COL5A2: variants seen among roughly 807,000 people sequenced by gnomAD.
COL5A2 encodes the protein collagen type V alpha 2 chain, also known as collagen alpha-2(V) chain.
In COL5A2, 23 loss-of-function variants were observed where a neutral mutation model predicts 208.2. The observed-to-expected ratio is 0.11, with a 90% CI of 0.08 to 0.16. The LOEUF (loss-of-function observed/expected upper bound fraction) is 0.16. COL5A2 is among the 10% of genes least tolerant of loss of function. The pLI, the probability that COL5A2 is intolerant of heterozygous loss-of-function variation, is 1.00. For synonymous variants in COL5A2, 625 were observed against 628.5 expected, an observed-to-expected ratio of 0.99 and a Z score of 0.08; for missense variants, 1,590 against 1,956.4, an observed-to-expected ratio of 0.81 and a Z score of 3.53.
chr2:189,220,818 A>G (rs564324667), intron 1 of COL5A2, among the ~76,000 whole-genome samples: 63 of 152,308 alleles, frequency 4.1e-4, no homozygotes, highest in African/African-American at 1.5e-3. Context: ...CATGAGGCCC[A>G]TCACCCAGGC....
chr2:189,271,033 C>A, the COL5A2 span, among the ~76,000 whole-genome samples: 1 of 152,124 alleles, frequency 6.6e-6, no homozygotes, highest in East Asian at 1.9e-4. Flanking sequence ...AAAAACATTC[C>A]ATGCTCATGG....
the COL5A2 span, among the ~76,000 whole-genome samples, chr2:189,288,189 C>A: frequency 6.6e-6 from 1 of 152,134 alleles, no homozygotes; most frequent in Non-Finnish European, 1.5e-5. Flanking sequence ...TTTCCTAGAT[C>A]CTGATTTCAG....
intron 1 of COL5A2, among the ~76,000 whole-genome samples, chr2:189,153,498 G>T (rs1417765436): frequency 6.6e-6 from 1 of 152,082 alleles, no homozygotes; most frequent in Non-Finnish European, 1.5e-5. Flanking sequence ...TATCTAACAA[G>T]CATATTAGCC....
chr2:189,428,424 C>T, the COL5A2 span, among the ~76,000 whole-genome samples: 2 of 152,028 alleles, frequency 1.3e-5, no homozygotes, highest in African/African-American at 4.8e-5. Context: ...TTGAGACTAG[C>T]CTGGCTAACA....
At chr2:189,314,062 A>G in the COL5A2 span, among the ~76,000 whole-genome samples, 1 of 152,170 alleles carries the variant, frequency 6.6e-6, no homozygotes, top group Admixed American at 6.5e-5. Flanking sequence ...AAAGATATTC[A>G]GGACCTGAAC....
chr2:189,074,344 T>C (rs1686349545), intron 17 of COL5A2, among the ~76,000 whole-genome samples: 1 of 152,082 alleles, frequency 6.6e-6, no homozygotes. Context: ...CAAGCGTGAA[T>C]TAAAGGTTCA....
At chr2:189,429,938 A>C in the COL5A2 span, among the ~76,000 whole-genome samples, 2 of 152,222 alleles carry the variant, frequency 1.3e-5, no homozygotes, top group African/African-American at 4.8e-5. Context: ...CAGAGAGAAA[A>C]TTAAGTGAAG....
chr2:189,113,834 G>T (rs1334237087), intron 1 of COL5A2, among the ~76,000 whole-genome samples: 2 of 151,744 alleles, frequency 1.3e-5, no homozygotes, highest in East Asian at 1.9e-4. Flanking sequence ...GACACGTAAT[G>T]ATGTCAATTA....
intron 1 of COL5A2, among the ~76,000 whole-genome samples, chr2:189,208,568 A>G (rs1419023861): frequency 6.6e-6 from 1 of 152,220 alleles, no homozygotes; most frequent in Admixed American, 6.5e-5. Context: ...ACTGGAAGTT[A>G]GGAGGCAGGA....
At chr2:189,323,942 T>C in the COL5A2 span, among the ~76,000 whole-genome samples, 1 of 152,008 alleles carries the variant, frequency 6.6e-6, no homozygotes, top group Non-Finnish European at 1.5e-5. Context: ...CTACAGTAAC[T>C]AAAACAGCAT....
intron 16 of COL5A2, 142 bp downstream of exon 16, chr2:189,078,374 G>T: frequency 1.4e-6 from 1 of 701,116 alleles, no homozygotes; most frequent in Non-Finnish European, 2.5e-6. Flanking sequence ...CTGTAAACCT[G>T]ACTTTATTCC....
chr2:189,305,332 A>G, the COL5A2 span, among the ~76,000 whole-genome samples: 2 of 152,234 alleles, frequency 1.3e-5, no homozygotes, highest in Non-Finnish European at 2.9e-5. Flanking sequence ...TTAATCGCCA[A>G]TGCAGGAGTA....
intron 1 of COL5A2, among the ~76,000 whole-genome samples, chr2:189,167,321 C>A (rs1486708780): frequency 1.3e-5 from 2 of 152,200 alleles, no homozygotes; most frequent in Admixed American, 6.5e-5. Flanking sequence ...TGCCCCAACA[C>A]AAACACCCAC....
At chr2:189,163,361 G>A (rs569943593) in intron 1 of COL5A2, among the ~76,000 whole-genome samples, 26 of 152,312 alleles carry the variant, frequency 1.7e-4, no homozygotes, top group Middle Eastern at 3.4e-3. Flanking sequence ...CACTGAGTCT[G>A]TGGCTAAACA....
At chr2:189,178,711 A>T (rs1297824055) in intron 1 of COL5A2, among the ~76,000 whole-genome samples, 6 of 18,154 alleles carry the variant, frequency 3.3e-4, no homozygotes, top group Admixed American at 2.4e-3. Context: ...TTTATCTTTA[A>T]AAAAAAAAAA....
chr2:189,316,637 G>A, the COL5A2 span, among the ~76,000 whole-genome samples: 5 of 151,906 alleles, frequency 3.3e-5, no homozygotes, highest in Non-Finnish European at 7.4e-5. Context: ...ATAATGAATG[G>A]TTACTAGACT....
chr2:189,070,648 A>G (rs1686254199), intron 18 of COL5A2, among the ~76,000 whole-genome samples: 1 of 151,726 alleles, frequency 6.6e-6, no homozygotes, highest in African/African-American at 2.4e-5. Flanking sequence ...ACCCCATGAA[A>G]GTTGTAGTAT....
At chr2:189,353,718 A>G in the COL5A2 span, among the ~76,000 whole-genome samples, 11 of 152,192 alleles carry the variant, frequency 7.2e-5, no homozygotes, top group African/African-American at 2.7e-4. Context: ...TAAATATACA[A>G]TCATGTCATC....
chr2:189,215,163 T>A (rs1305691425), intron 1 of COL5A2, among the ~76,000 whole-genome samples: 2 of 152,122 alleles, frequency 1.3e-5, no homozygotes, highest in Non-Finnish European at 2.9e-5. Context: ...TAGTTACACA[T>A]AATAAAAGAA....
Sources: gnomAD v4.1 joint callset for allele counts (sites outside exome capture counted in the v4.1 genomes callset) on GRCh38, gnomAD v4.1.1 for gene constraint, MANE v1.5 for transcripts, NCBI Gene and HGNC (gene_info 2026-07-23, HGNC 2026-07-21) for gene names.